The following UPF1 variants were observed in gnomAD, a reference collection of about 807,000 sequenced individuals.
UPF1 encodes the protein UPF1 RNA helicase and ATPase.
UPF1 carries 9 observed loss-of-function variants against 129.2 expected under a neutral mutation model. The ratio of observed to expected loss-of-function variants is 0.07; its 90% CI spans 0.04 to 0.12. The LOEUF (loss-of-function observed/expected upper bound fraction) is 0.12. UPF1 is among the 10% of genes least tolerant of loss of function. The pLI is 1.00. For synonymous variants in UPF1, 649 were observed against 644.9 expected, an observed-to-expected ratio of 1.01 and a Z score of -0.10; for missense variants, 788 against 1,525.3, an observed-to-expected ratio of 0.52 and a Z score of 8.05.
At chr19:18,863,645 G>A (rs376015041) in intron 19 of UPF1, 33 bp downstream of exon 19, 30 of 1,580,694 alleles carry the variant, frequency 1.9e-5, no homozygotes, top group Middle Eastern at 2.0e-4. Context: ...AGGGCAGCAC[G>A]GAGAAACCCG....
rs2055827561 is a variant in UPF1, at chr19:18,865,117, G to A, written c.2858-172G>A. 6.6e-6 allele frequency among the ~76,000 whole-genome samples: 1 copy of A among 152,242 alleles called. No individual in the cohort carries two copies. The highest frequency in any genetic ancestry group is 1.5e-5 in the Non-Finnish European group (1 of 68,042). On this transcript the variant is annotated intron_variant, in intron 20 of 23. Transcript: ENST00000262803. This position sits in a 1 kb window ranked among gnomAD's most constrained non-coding sequence, Gnocchi z 6.1. Reference sequence around the variant, plus strand: ...GGGAAGGTGCCTGCCCAAGCACCCAGCCCCAGGCAGGCTGCTGTAGTTAAC... The same window carrying A: ...GGGAAGGTGCCTGCCCAAGCACCCAACCCCAGGCAGGCTGCTGTAGTTAAC...
chr19:18,858,637 G>A (rs1336116105), intron 15 of UPF1, among the ~76,000 whole-genome samples: 3 of 152,080 alleles, frequency 2.0e-5, no homozygotes, highest in African/African-American at 7.2e-5. Flanking sequence ...AGGCATCCAT[G>A]AGGCCTGGCT....
rs2055430425 is a variant in UPF1, at chr19:18,832,042, G to C, written c.-168G>C. On this transcript the variant is annotated 5_prime_UTR_variant, in exon 1 of 24. Transcript: ENST00000262803. The surrounding 1 kb of genome is among the most constrained non-coding windows in gnomAD (Gnocchi z 5.6). Reference sequence around the variant, plus strand: ...GGCTCGGCGGCAGCGGCGGCGGCTCGGCACTGTTACCTCTCGGTCCGGCTG... The same window carrying C: ...GGCTCGGCGGCAGCGGCGGCGGCTCCGCACTGTTACCTCTCGGTCCGGCTG... The C allele has an allele frequency of 4.0e-6, 2 of 499,048 alleles. No individual in the cohort carries two copies. The highest frequency in any genetic ancestry group is 3.1e-6 in the Non-Finnish European group (1 of 327,150). 30.9% of individuals were successfully genotyped at this position (499,048 alleles called of 1,614,324 possible).
In UPF1 at chr19:18,855,913, A is replaced by T; in HGVS notation, c.1545-12A>T. On this transcript the variant is annotated splice_polypyrimidine_tract_variant and intron_variant, in intron 11 of 23. Transcript: ENST00000262803. The stretch of plus-strand genomic sequence containing the variant: ...TCTGGGTAAGCACTGAGCTGCCCCA[A>T]TGGTGTTGCAGGCCGGTGCTGGTGT... 6.2e-7 allele frequency: 1 copy of T among 1,613,316 alleles called. No individual in the cohort carries two copies. Among genetic ancestry groups the T allele is most frequent in the South Asian group, 1.1e-5 (1 of 90,990 alleles).
chr19:18,834,863 T>C (rs2055467194), intron 1 of UPF1, among the ~76,000 whole-genome samples: 1 of 152,176 alleles, frequency 6.6e-6, no homozygotes, highest in South Asian at 2.1e-4. Flanking sequence ...TCATTCTGCT[T>C]TTTTAATTTT....
rs1266007419 is a variant in UPF1, at chr19:18,867,259, C to T, written c.*742C>T. The T allele has an allele frequency of 1.3e-5, 2 of 152,344 alleles. No homozygotes were observed. Among genetic ancestry groups the T allele is most frequent in the Admixed American group, 1.3e-4 (2 of 15,302 alleles). 9.4% of individuals were successfully genotyped at this position (152,344 alleles called of 1,614,324 possible). On this transcript the variant is annotated 3_prime_UTR_variant, in exon 24 of 24. Coordinates refer to ENST00000262803, the MANE Select transcript of UPF1 (RefSeq NM_002911.4). ...GAGTTTTGTTGTTGGTTTTAGCTTC[C>T]AGTGGCTTCTTTCTGCGGGGCATCA...
rs770642667 is a variant in UPF1, at chr19:18,866,094, A to G, written c.3288A>G (p.Ser1096=). The change falls in exon 23 of 24, where the codon TCA becomes TCG. Residue 1096 remains serine (S), a synonymous_variant. Transcript: ENST00000262803. The part of the protein sequence containing the change: ...EFKSQIDVAL[S]QDSTYQGERA... Reference sequence around the variant, plus strand: ...AATCACAAATCGACGTGGCGCTCTCACAGGACTCCACGTACCAGGGAGAGC... The same window carrying G: ...AATCACAAATCGACGTGGCGCTCTCGCAGGACTCCACGTACCAGGGAGAGC... 7 of 1,613,048 alleles carry G rather than the reference A, an allele frequency of 4.3e-6. No homozygotes were observed. Among genetic ancestry groups the G allele is most frequent in the Non-Finnish European group, 5.9e-6 (7 of 1,179,794 alleles).
rs1209553295 is a variant in UPF1 at position 18,851,237 on chromosome 19, A to G, written c.810+369A>G. 1 of 172,940 alleles carries G rather than the reference A, an allele frequency of 5.8e-6. No homozygotes were observed. The highest frequency in any genetic ancestry group is 1.2e-5 in the Non-Finnish European group (1 of 81,288). 10.7% of individuals were successfully genotyped at this position (172,940 alleles called of 1,614,324 possible). A position where few individuals can be genotyped will look rare whatever the true frequency, so the allele number is the denominator to read the frequency against. ...TGGGCTGCGAGAATGTCCTGGGGAA[A>G]TAGGTTGGTGTCGAGGTCGGCACAG... On this transcript the variant is annotated intron_variant, in intron 5 of 23. Transcript: ENST00000262803. The surrounding 1 kb of genome is among the most constrained non-coding windows in gnomAD (Gnocchi z 4.2).
intron 23 of UPF1, 141 bp from the exon 24 acceptor site, chr19:18,866,380 G>A (rs576894124): frequency 2.0e-5 from 12 of 612,448 alleles, no homozygotes; most frequent in South Asian, 5.2e-5. Context: ...TGTCTGCTCC[G>A]GGGACCACCG....
At chr19:18,838,980 T>TA (rs1026650311) in intron 1 of UPF1, among the ~76,000 whole-genome samples, 1 of 151,994 alleles carries the variant, frequency 6.6e-6, no homozygotes, top group Admixed American at 6.6e-5. Flanking sequence ...CAGGACTAAC[T>TA]AAAAAAAGAG....
intron 6 of UPF1, 116 bp downstream of exon 6, chr19:18,852,412 C>G: frequency 6.9e-7 from 1 of 1,449,626 alleles, no homozygotes; most frequent in Non-Finnish European, 9.2e-7. Context: ...GGGCTGCAGC[C>G]GCGACACCTG....
chr19:18,857,323 A>T lies in UPF1; in HGVS notation c.1972A>T (p.Ile658Phe). The change falls in exon 15 of 24, where the codon ATC becomes TTC. Residue 658 changes from isoleucine to phenylalanine, a missense_variant. Around this residue, in one of 6 missense-constraint regions of UPF1, gnomAD observed 140 missense variants for 385.9 expected, o/e 0.36. Transcript: ENST00000262803. ...GTGGGGGCCCCTGTTCCTACAGCTG[A>T]TCCTTGTAGGCGACCACTGCCAGCT... is the stretch of plus-strand genomic sequence containing the variant. Reference protein sequence around the residue: ...VPVVLGAKQLILVGDHCQLGP... With the variant: ...VPVVLGAKQLFLVGDHCQLGP... The T allele has an allele frequency of 6.2e-7, 1 of 1,611,260 alleles. No individual in the cohort carries two copies. The highest frequency in any genetic ancestry group is 8.5e-7 in the Non-Finnish European group (1 of 1,179,296).
chr19:18,847,091 C>T (rs575314818), intron 2 of UPF1, among the ~76,000 whole-genome samples: 1 of 152,140 alleles, frequency 6.6e-6, no homozygotes, highest in Non-Finnish European at 1.5e-5. Context: ...GGCTGCTCTT[C>T]GCTAGGCTTG....
At chr19:18,858,512 G>A (rs536052837) in intron 15 of UPF1, among the ~76,000 whole-genome samples, 1 of 152,236 alleles carries the variant, frequency 6.6e-6, no homozygotes, top group Non-Finnish European at 1.5e-5. Flanking sequence ...GTGGCAAAGA[G>A]TTGTCACAGG....
Position 18,863,526 on chromosome 19 carries a change from G to T in UPF1, c.2689G>T (p.Val897Leu), listed in dbSNP as rs776496406. The change falls in exon 19 of 24, where the codon GTG becomes TTG. Residue 897 changes from valine to leucine, a missense_variant. Physicochemically the swap from Val to Leu is conservative, Grantham distance 32. This residue lies in a region of UPF1 where 218 missense variants were observed against 318.1 expected (regional missense o/e 0.69). Transcript: ENST00000262803. ...GCTGAACTACTATAAGGAGCAGAAG[G>T]TGCTGGTGGAGGGGCCGCTCAACAA... ...HLLNYYKEQK[V>L]LVEGPLNNLR... 1.9e-6 allele frequency: 3 copies of T among 1,613,920 alleles called. No homozygotes were observed. In the South Asian group the frequency reaches 3.3e-5, roughly 18 times the overall value.
In UPF1 at chr19:18,832,060, T is replaced by C. The variant is rs2055430728; in HGVS notation, c.-150T>C. On this transcript the variant is annotated 5_prime_UTR_variant, in exon 1 of 24. Coordinates refer to ENST00000262803, the MANE Select transcript of UPF1 (RefSeq NM_002911.4). The surrounding 1 kb of genome is among the most constrained non-coding windows in gnomAD (Gnocchi z 5.6). ...GCGGCTCGGCACTGTTACCTCTCGG[T>C]CCGGCTGGCGCCGGGGCGCGCGGTT... 3 of 672,738 alleles carry C rather than the reference T, an allele frequency of 4.5e-6. No individual in the cohort carries two copies. Among genetic ancestry groups the C allele is most frequent in the Middle Eastern group, 4.8e-4 (1 of 2,092 alleles). The allele number at this position is 672,738 out of a possible 1,614,324, so 41.7% of individuals were successfully genotyped here. A position where few individuals can be genotyped will look rare whatever the true frequency, so the allele number is the denominator to read the frequency against.
In UPF1 at chr19:18,860,889, C is replaced by T. The variant is rs1188942040; in HGVS notation, c.2364C>T (p.Asp788=). The change falls in exon 17 of 24, where the codon GAC becomes GAT. Residue 788 remains aspartate (D), a synonymous_variant. Coordinates refer to ENST00000262803, the MANE Select transcript of UPF1 (RefSeq NM_002911.4). ...TKLLKAGAKP[D]QIGIITPYEG... is the part of the protein sequence containing the mutation. ...TGCTGAAGGCAGGCGCCAAGCCGGACCAGATTGGCATCATCACGCCCTACG... is the reference window on the plus strand; with the variant it reads ...TGCTGAAGGCAGGCGCCAAGCCGGATCAGATTGGCATCATCACGCCCTACG... The T allele has an allele frequency of 6.2e-7, 1 of 1,609,856 alleles. No homozygotes were observed. The highest frequency in any genetic ancestry group is 8.5e-7 in the Non-Finnish European group (1 of 1,178,326).
At chr19:18,839,492 T>TCCGCTCCCTC (rs2055518516) in intron 1 of UPF1, among the ~76,000 whole-genome samples, 1 of 152,152 alleles carries the variant, frequency 6.6e-6, no homozygotes, top group East Asian at 1.9e-4. Flanking sequence ...TTCGCTCCTT[T>TCCGCTCCCTC]CCGCTCCCTC....
Position 18,856,252 on chromosome 19 carries a change from G to A in UPF1, c.1776G>A (p.Glu592=). 6.2e-7 allele frequency: 1 copy of A among 1,609,686 alleles called. No individual in the cohort carries two copies. The highest frequency in any genetic ancestry group is 1.7e-4 in the Middle Eastern group (1 of 6,052). The part of the protein sequence containing the change: ...DETGELSSAD[E]KRYRALKRTA... The stretch of plus-strand genomic sequence containing the variant: ...CTGGGGAGCTGTCGTCTGCCGACGA[G>A]AAGCGGTACCGGGCCTTGAAGCGCA... The change falls in exon 13 of 24, where the codon GAG becomes GAA. Residue 592 remains glutamate, a synonymous_variant. Coordinates refer to ENST00000262803, the MANE Select transcript of UPF1 (RefSeq NM_002911.4).
Sources: gnomAD v4.1 joint callset for allele counts (sites outside exome capture counted in the v4.1 genomes callset) on GRCh38, gnomAD v4.1.1 for gene constraint, gnomAD v4.1.1 regional missense constraint, Gnocchi (gnomAD v3.1) non-coding constraint, MANE v1.5 for transcripts, NCBI Gene and HGNC (gene_info 2026-07-23, HGNC 2026-07-21) for gene names.